Variants in TMEM117 observed in about 807,000 individuals in gnomAD.
The protein encoded by TMEM117 is transmembrane protein 117.
TMEM117 carries 27 observed loss-of-function variants against 52.4 expected under a neutral mutation model. The observed-to-expected ratio is 0.51, with a 90% CI of 0.38 to 0.71. TMEM117 has a LOEUF of 0.71. TMEM117 is among the 30% of genes least tolerant of loss of function. The probability of loss-of-function intolerance (pLI) is 0.00; values close to 1 mark genes in which losing one functional copy is unlikely to be tolerated. For synonymous variants in TMEM117, 215 were observed against 206.3 expected (o/e 1.04, Z -0.36); for missense variants, 556 against 630.5 (o/e 0.88, Z 1.26).
At chr12:44,211,260 G>C (rs1243921870) in intron 4 of TMEM117, 30 bp from the exon 5 acceptor site, 1 of 1,407,384 alleles carries the variant, frequency 7.1e-7, no homozygotes, top group Non-Finnish European at 1.0e-6. Context: ...ATTTCTGAAA[G>C]TGCTGAATAA....
intron 6 of TMEM117, among the ~76,000 whole-genome samples, chr12:44,306,655 C>T (rs1950907412): frequency 6.6e-6 from 1 of 152,066 alleles, no homozygotes; most frequent in South Asian, 2.1e-4. Context: ...TTTTTCATTC[C>T]CACAGCATGA....
At chr12:44,382,206 T>C (rs1329156400) in intron 7 of TMEM117, among the ~76,000 whole-genome samples, 1 of 152,168 alleles carries the variant, frequency 6.6e-6, no homozygotes, top group African/African-American at 2.4e-5. Context: ...CTGCCCACCC[T>C]GAGGTATCCT....
intron 2 of TMEM117, among the ~76,000 whole-genome samples, chr12:43,851,445 C>T (rs545812204): frequency 1.1e-4 from 16 of 152,110 alleles, no homozygotes; most frequent in African/African-American, 3.9e-4. Context: ...CTCTCTCTCT[C>T]ATTTGCTTGG....
At chr12:44,126,275 C>T (rs1436303416) in intron 3 of TMEM117, among the ~76,000 whole-genome samples, 1 of 152,154 alleles carries the variant, frequency 6.6e-6, no homozygotes, top group Admixed American at 6.5e-5. Flanking sequence ...TTTGCAGTTT[C>T]TCTAACCCCT....
intron 2 of TMEM117, among the ~76,000 whole-genome samples, chr12:43,848,141 G>A (rs1447545844): frequency 2.6e-5 from 4 of 152,110 alleles, no homozygotes; most frequent in Admixed American, 1.3e-4. Context: ...ACTGATAAGG[G>A]TCCAACAAAG....
At chr12:43,887,634 C>T (rs1224253389) in intron 2 of TMEM117, among the ~76,000 whole-genome samples, 1 of 152,134 alleles carries the variant, frequency 6.6e-6, no homozygotes, top group Non-Finnish European at 1.5e-5. Context: ...ACCCTGACTC[C>T]AACAGCTCTG....
intron 3 of TMEM117, among the ~76,000 whole-genome samples, chr12:43,980,004 G>A (rs375079674): frequency 1.3e-5 from 2 of 152,080 alleles, no homozygotes; most frequent in Non-Finnish European, 2.9e-5. Context: ...AAAAGAAATG[G>A]GTTCATAGAA....
At chr12:44,165,169 G>A (rs1948949320) in intron 4 of TMEM117, among the ~76,000 whole-genome samples, 1 of 151,952 alleles carries the variant, frequency 6.6e-6, no homozygotes, top group South Asian at 2.1e-4. Context: ...ACATATGAGT[G>A]ACAATATGGT....
chr12:43,844,436 A>G (rs985728558), intron 1 of TMEM117, among the ~76,000 whole-genome samples, 188 bp from the exon 2 acceptor site: 1 of 152,220 alleles, frequency 6.6e-6, no homozygotes, highest in Non-Finnish European at 1.5e-5. Context: ...CAGAGGTATG[A>G]TTAGATGTTA....
intron 5 of TMEM117, among the ~76,000 whole-genome samples, chr12:44,260,040 G>A (rs1024951034): frequency 1.3e-5 from 2 of 152,168 alleles, no homozygotes; most frequent in African/African-American, 2.4e-5. Flanking sequence ...TGGTTTCACT[G>A]GTCAGAATTG....
chr12:43,855,614 G>A (rs1231377336), intron 2 of TMEM117, among the ~76,000 whole-genome samples: 1 of 152,154 alleles, frequency 6.6e-6, no homozygotes, highest in Non-Finnish European at 1.5e-5. Flanking sequence ...TTTGAAACAG[G>A]AAGTTTGGGG....
At chr12:44,042,461 G>T (rs1426272122) in intron 3 of TMEM117, among the ~76,000 whole-genome samples, 2 of 152,032 alleles carry the variant, frequency 1.3e-5, no homozygotes, top group African/African-American at 4.8e-5. Context: ...GTCTGTGTGG[G>T]TGTTGCCAAA....
chr12:43,858,379 A>G (rs911012778), intron 2 of TMEM117, among the ~76,000 whole-genome samples: 1 of 152,256 alleles, frequency 6.6e-6, no homozygotes, highest in Admixed American at 6.5e-5. Flanking sequence ...TTTGCTCTGC[A>G]TTGCCTGTGT....
At chr12:43,955,234 A>C (rs1945288329) in intron 3 of TMEM117, among the ~76,000 whole-genome samples, 1 of 152,196 alleles carries the variant, frequency 6.6e-6, no homozygotes. Flanking sequence ...AACTGGCACA[A>C]AACAAGGATG....
At chr12:44,206,740 C>T (rs1949572464) in intron 4 of TMEM117, among the ~76,000 whole-genome samples, 1 of 152,144 alleles carries the variant, frequency 6.6e-6, no homozygotes, top group Non-Finnish European at 1.5e-5. Flanking sequence ...CATATTCTAA[C>T]TTATAAGTGG....
At chr12:44,043,605 G>A (rs927488891) in intron 3 of TMEM117, among the ~76,000 whole-genome samples, 1 of 152,102 alleles carries the variant, frequency 6.6e-6, no homozygotes, top group Non-Finnish European at 1.5e-5. Context: ...AGACAACAGT[G>A]ATGGCCTCCC....
intron 4 of TMEM117, among the ~76,000 whole-genome samples, chr12:44,171,006 C>T (rs28538835): frequency 0.14 from 21,250 of 148,960 alleles, 1,929 homozygotes; most frequent in African/African-American, 0.25. Context: ...TCTTTATTAA[C>T]AAATATCTTT....
chr12:44,231,948 C>T (rs1364557442), intron 5 of TMEM117, among the ~76,000 whole-genome samples: 1 of 151,658 alleles, frequency 6.6e-6, no homozygotes, highest in African/African-American at 2.4e-5. Flanking sequence ...GGCTCTATCT[C>T]CCTTAACAAT....
chr12:43,876,943 TCTTA>T (rs1167811211), intron 2 of TMEM117, among the ~76,000 whole-genome samples: 1 of 152,218 alleles, frequency 6.6e-6, no homozygotes, highest in African/African-American at 2.4e-5. Context: ...TTTTTAAACA[TCTTA>T]CTGTGTCAAT....
Sources: gnomAD v4.1 joint callset for allele counts (sites outside exome capture counted in the v4.1 genomes callset) on GRCh38, gnomAD v4.1.1 for gene constraint, MANE v1.5 for transcripts, NCBI Gene and HGNC (gene_info 2026-07-23, HGNC 2026-07-21) for gene names.